PMVK: variants seen among roughly 807,000 people sequenced by gnomAD.
PMVK encodes the protein phosphomevalonate kinase, also known as testis tissue sperm-binding protein Li 95mP.
Under a neutral mutation model 19.0 loss-of-function variants are expected in PMVK, and 10 were observed. The ratio of observed to expected loss-of-function variants is 0.53; its 90% CI spans 0.32 to 0.89. The LOEUF is 0.89. Among genes scored for constraint, PMVK ranks in the 40% least tolerant of loss-of-function variants. PMVK has a pLI of 0.03. For synonymous variants in PMVK, 108 were observed against 101.6 expected, an observed-to-expected ratio of 1.06 and a Z score of -0.38; for missense variants, 222 against 251.1, an observed-to-expected ratio of 0.88 and a Z score of 0.78.
rs1654513707 is a variant in PMVK, at chr1:154,936,633, C to T, written c.53G>A (p.Arg18Lys). Residue 18 changes from arginine (R) to lysine (K), a missense_variant, in exon 1 of 5, where the codon AGG (arginine) becomes AAG (lysine). Physicochemically the swap from Arg to Lys is conservative, Grantham distance 26 (BLOSUM62 2). Coordinates refer to ENST00000368467, the MANE Select transcript of PMVK (RefSeq NM_006556.4). ...PRLVLLFSGKRKSGKDFVTEA... is the reference protein window; with the variant it reads ...PRLVLLFSGKKKSGKDFVTEA... ...GGTCACGAAGTCCTTCCCGGATTTCCTCTTGCCGCTGAACAGCAGTACCAG... is the reference window on the plus strand; with the variant it reads ...GGTCACGAAGTCCTTCCCGGATTTCTTCTTGCCGCTGAACAGCAGTACCAG... 2 of 1,609,516 alleles carry T rather than the reference C, an allele frequency of 1.2e-6. No individual in the cohort carries two copies. The highest frequency in any genetic ancestry group is 1.3e-5 in the African/African-American group (1 of 74,886).
intron 2 of PMVK, among the ~76,000 whole-genome samples, chr1:154,930,758 C>A (rs1453856438): frequency 6.8e-6 from 1 of 148,002 alleles, no homozygotes; most frequent in Non-Finnish European, 1.5e-5. Flanking sequence ...AATTCTGTAT[C>A]CAGTTTCATT....
chr1:154,926,189 G>A (rs1654152707), intron 4 of PMVK, among the ~76,000 whole-genome samples, 165 bp downstream of exon 4: 1 of 152,184 alleles, frequency 6.6e-6, no homozygotes, highest in African/African-American at 2.4e-5. Context: ...GTTAAGCCAA[G>A]GGAACCTTGA....
chr1:154,942,450 T>A, the PMVK span, among the ~76,000 whole-genome samples: 1 of 152,220 alleles, frequency 6.6e-6, no homozygotes, highest in African/African-American at 2.4e-5. Flanking sequence ...CAGTGCTGCA[T>A]GGGTGTGTTA....
At chr1:154,933,970 G>C (rs1172759099) in intron 1 of PMVK, among the ~76,000 whole-genome samples, 1 of 152,070 alleles carries the variant, frequency 6.6e-6, no homozygotes, top group Non-Finnish European at 1.5e-5. Flanking sequence ...TCCTAGCCTT[G>C]AGATGCTCAC....
chr1:154,936,664 G>C lies in PMVK; in HGVS notation c.22C>G (p.Pro8Ala), dbSNP rs748225932. The change falls in exon 1 of 5, where the codon CCG (proline) becomes GCG (alanine). Residue 8 changes from proline to alanine, a missense_variant. By Grantham distance (27) the Pro-to-Ala change is conservative. Transcript: ENST00000368467. ...CCGCTGAACAGCAGTACCAGCCGCG[G>C]GGCGCCTCCCAGCGGGGCCATGGGG... MAPLGGA[P>A]RLVLLFSGKR... is the part of the protein sequence containing the mutation. The C allele has an allele frequency of 1.6e-5, 26 of 1,608,250 alleles. No homozygotes were observed. In the Middle Eastern group the frequency reaches 3.3e-3, roughly 204 times the overall value.
chr1:154,926,590 C>T (rs146661184), intron 3 of PMVK, 107 bp from the exon 4 acceptor site: 1 of 880,862 alleles, frequency 1.1e-6, no homozygotes, highest in East Asian at 2.6e-5. Context: ...CTCTACCCCC[C>T]CATCATCGTG....
intron 2 of PMVK, among the ~76,000 whole-genome samples, chr1:154,931,971 G>A (rs1654349352): frequency 6.6e-6 from 1 of 152,164 alleles, no homozygotes; most frequent in Admixed American, 6.5e-5. Flanking sequence ...TTACAGGCAT[G>A]TGCCACCGTG....
In PMVK at chr1:154,925,085, A is replaced by ACCCCCCCCCC; in HGVS notation, c.*43_*44insGGGGGGGGGG. 3 of 660,708 alleles carry ACCCCCCCCCC rather than the reference A, an allele frequency of 4.5e-6. No individual in the cohort carries two copies. Among genetic ancestry groups the ACCCCCCCCCC allele is most frequent in the Non-Finnish European group, 4.3e-6 (2 of 469,426 alleles). 40.9% of individuals were successfully genotyped at this position (660,708 alleles called of 1,614,324 possible). A position where few individuals can be genotyped will look rare whatever the true frequency, so the allele number is the denominator to read the frequency against. ...ACCCCCATTTTGCAGAGTCAGCCCC[A>ACCCCCCCCCC]CCCCCACCTCAGCAGGCCCCAGCTC... On this transcript the variant is annotated 3_prime_UTR_variant, in exon 5 of 5. Coordinates refer to ENST00000368467, the MANE Select transcript of PMVK (RefSeq NM_006556.4).
At chr1:154,936,729 T>TA, upstream of PMVK, 1 of 1,514,770 alleles carries the variant, frequency 6.6e-7, no homozygotes, top group South Asian at 1.2e-5. Flanking sequence ...CACTTCTCCC[T>TA]ACCCCTAAAA....
upstream of PMVK, among the ~76,000 whole-genome samples, chr1:154,938,851 G>C (rs1299930312): frequency 6.6e-6 from 1 of 152,160 alleles, no homozygotes; most frequent in Non-Finnish European, 1.5e-5. Context: ...CCTCAGTACT[G>C]GCAGCCCAGC....
chr1:154,926,560 C>T (rs990646598), intron 3 of PMVK, 77 bp from the exon 4 acceptor site: 1 of 1,397,890 alleles, frequency 7.2e-7, no homozygotes, highest in Non-Finnish European at 9.9e-7. Flanking sequence ...CTACAGAACC[C>T]AGGGCAGTGT....
At chr1:154,930,794 T>C (rs951434707) in intron 2 of PMVK, among the ~76,000 whole-genome samples, 14 of 152,086 alleles carry the variant, frequency 9.2e-5, no homozygotes, top group Non-Finnish European at 8.8e-5. Context: ...CTTAAAATTT[T>C]TGAAAACCAG....
intron 2 of PMVK, among the ~76,000 whole-genome samples, chr1:154,932,115 G>A (rs560171995): frequency 6.6e-6 from 1 of 152,260 alleles, no homozygotes; most frequent in East Asian, 1.9e-4. Context: ...CTCGAGTGTC[G>A]ACAGCCTTTC....
chr1:154,940,263 C>T (rs1654614956), upstream of PMVK, among the ~76,000 whole-genome samples: 1 of 152,236 alleles, frequency 6.6e-6, no homozygotes, highest in Admixed American at 6.5e-5. Context: ...GCCAGATGAC[C>T]TGTCCCTTTG....
rs1047996967 is a variant in PMVK at position 154,925,258 on chromosome 1, G to A, written c.450C>T (p.Asp150=). The A allele has an allele frequency of 9.3e-6, 15 of 1,613,908 alleles. No homozygotes were observed. Among genetic ancestry groups the A allele is most frequent in the East Asian group, 6.7e-5 (3 of 44,892 alleles). ...QRGWVFTPGV[D]DAESECGLDN... Reference sequence around the variant, plus strand: ...CCAGGCCACATTCTGACTCAGCATCGTCCACCCCTATGAAGGAAGCATGGT... The same window carrying A: ...CCAGGCCACATTCTGACTCAGCATCATCCACCCCTATGAAGGAAGCATGGT... The change falls in exon 5 of 5, where the codon GAC becomes GAT. Residue 150 remains aspartate, a synonymous_variant. Coordinates refer to ENST00000368467, the MANE Select transcript of PMVK (RefSeq NM_006556.4).
In PMVK at chr1:154,936,623, C is replaced by G; in HGVS notation, c.63G>C (p.Gly21=). 6.2e-7 allele frequency: 1 copy of G among 1,609,196 alleles called. No homozygotes were observed. Among genetic ancestry groups the G allele is most frequent in the Non-Finnish European group, 8.5e-7 (1 of 1,178,126 alleles). Residue 21 remains glycine, a synonymous_variant, in exon 1 of 5, where the codon GGG becomes GGC. Coordinates refer to ENST00000368467, the MANE Select transcript of PMVK (RefSeq NM_006556.4). ...VLLFSGKRKS[G]KDFVTEALQS... is the part of the protein sequence containing the mutation. ...GCAGCGCCTCGGTCACGAAGTCCTT[C>G]CCGGATTTCCTCTTGCCGCTGAACA...
At chr1:154,933,654 C>T (rs1654413319) in intron 1 of PMVK, among the ~76,000 whole-genome samples, 2 of 151,332 alleles carry the variant, frequency 1.3e-5, no homozygotes, top group Admixed American at 6.6e-5. Context: ...CCACTACACC[C>T]GGCTAATTTT....
intron 3 of PMVK, among the ~76,000 whole-genome samples, chr1:154,928,817 T>TAAA (rs1654249322): frequency 1.6e-5 from 2 of 125,108 alleles, no homozygotes; most frequent in African/African-American, 3.5e-5. Flanking sequence ...AAATAAATAA[T>TAAA]AAAAGGTCAG....
intron 1 of PMVK, 135 bp downstream of exon 1, chr1:154,936,456 C>T (rs1654506830): frequency 6.8e-7 from 1 of 1,475,342 alleles, no homozygotes; most frequent in East Asian, 2.5e-5. Context: ...ATTCCACCTT[C>T]CCCAGCCCAG....
Sources: gnomAD v4.1 joint callset for allele counts (sites outside exome capture counted in the v4.1 genomes callset) on GRCh38, gnomAD v4.1.1 for gene constraint, MANE v1.5 for transcripts, NCBI Gene and HGNC (gene_info 2026-07-23, HGNC 2026-07-21) for gene names.